The following EXT2 variants were observed in gnomAD, a reference collection of about 807,000 sequenced individuals.
EXT2 encodes the protein exostosin glycosyltransferase 2.
Under a neutral mutation model 81.6 loss-of-function variants are expected in EXT2, and 53 were observed. That is an observed-to-expected ratio of 0.65 (90% CI 0.52 to 0.82). EXT2 has a LOEUF of 0.82. Ranked by LOEUF, EXT2 falls within the 40% of genes least tolerant of loss-of-function variation. The pLI, the probability that EXT2 is intolerant of heterozygous loss-of-function variation, is 0.00. For missense variants in EXT2, 774 were observed against 910.2 expected, an observed-to-expected ratio of 0.85 and a Z score of 1.93; for synonymous variants, 320 against 340.0, an observed-to-expected ratio of 0.94 and a Z score of 0.65.
chr11:44,135,600 C>T (rs1954555151), intron 7 of EXT2, among the ~76,000 whole-genome samples: 1 of 152,074 alleles, frequency 6.6e-6, no homozygotes. Context: ...CCATGTTGCC[C>T]AGGCTGGTCT....
intron 7 of EXT2, among the ~76,000 whole-genome samples, chr11:44,169,602 A>C (rs1955043257): frequency 6.6e-6 from 1 of 152,210 alleles, no homozygotes; most frequent in African/African-American, 2.4e-5. Flanking sequence ...ATTAAGTATA[A>C]ATCGACTATA....
chr11:44,144,603 G>A (rs967528224), intron 7 of EXT2, among the ~76,000 whole-genome samples: 4 of 152,138 alleles, frequency 2.6e-5, no homozygotes, highest in South Asian at 4.1e-4. Flanking sequence ...TGGGAAAACC[G>A]ATCCACCCTT....
chr11:44,141,926 A>G (rs1253521308), intron 7 of EXT2, among the ~76,000 whole-genome samples: 1 of 152,234 alleles, frequency 6.6e-6, no homozygotes, highest in Non-Finnish European at 1.5e-5. Flanking sequence ...TTATGAATTC[A>G]TGCCGTACCT....
chr11:44,157,825 C>G (rs1440990932), intron 7 of EXT2, among the ~76,000 whole-genome samples: 2 of 152,228 alleles, frequency 1.3e-5, no homozygotes, highest in Non-Finnish European at 2.9e-5. Flanking sequence ...TGTGAATGTG[C>G]TGGGTCATAC....
chr11:44,239,393 C>CTTTTT (rs1174306938), intron 13 of EXT2, among the ~76,000 whole-genome samples: 1 of 125,470 alleles, frequency 8.0e-6, no homozygotes, highest in African/African-American at 3.0e-5. Flanking sequence ...TCTGTATATA[C>CTTTTT]TTTTTTTTTT....
intron 8 of EXT2, chr11:44,172,014 G>A: frequency 2.1e-6 from 1 of 484,566 alleles, no homozygotes; most frequent in Non-Finnish European, 3.8e-6. Context: ...GGGTCTTGTT[G>A]GAAATCAAAG....
chr11:44,162,335 G>T (rs1252800232), intron 7 of EXT2, among the ~76,000 whole-genome samples: 1 of 152,114 alleles, frequency 6.6e-6, no homozygotes, highest in Non-Finnish European at 1.5e-5. Context: ...CAGGACTTTG[G>T]GGGGCCGAGG....
At chr11:44,193,971 C>T (rs979493914) in intron 8 of EXT2, among the ~76,000 whole-genome samples, 2 of 152,192 alleles carry the variant, frequency 1.3e-5, no homozygotes, top group Non-Finnish European at 2.9e-5. Flanking sequence ...GGATGAGACC[C>T]GATCTGTTGT....
At chr11:44,191,662 AG>A (rs1338679985) in intron 8 of EXT2, among the ~76,000 whole-genome samples, 1 of 152,202 alleles carries the variant, frequency 6.6e-6, no homozygotes. Flanking sequence ...GTCAGCCAGC[AG>A]GGGGTCAGTT....
intron 10 of EXT2, among the ~76,000 whole-genome samples, chr11:44,218,074 T>C (rs1955740282): frequency 6.6e-6 from 1 of 152,228 alleles, no homozygotes; most frequent in African/African-American, 2.4e-5. Context: ...AACCTGGGCA[T>C]CTTGTAGGTG....
chr11:44,218,749 A>G (rs12280078), intron 10 of EXT2, among the ~76,000 whole-genome samples: 3,812 of 148,744 alleles, frequency 0.026, 176 homozygotes, highest in African/African-American at 0.089. Flanking sequence ...ATGGCTATCT[A>G]TATGTGTATT....
At chr11:44,177,602 A>G (rs1035109973) in intron 8 of EXT2, among the ~76,000 whole-genome samples, 3 of 152,236 alleles carry the variant, frequency 2.0e-5, no homozygotes, top group African/African-American at 7.2e-5. Context: ...ACTAAATGTA[A>G]TATAGTCTGA....
At chr11:44,179,150 C>A (rs932768974) in intron 8 of EXT2, among the ~76,000 whole-genome samples, 4 of 152,080 alleles carry the variant, frequency 2.6e-5, no homozygotes, top group African/African-American at 9.7e-5. Flanking sequence ...ATGAAAATCA[C>A]AAGCCAGATC....
intron 1 of EXT2, chr11:44,096,153 TC>T: frequency 8.4e-7 from 1 of 1,193,240 alleles, no homozygotes; most frequent in Non-Finnish European, 1.2e-6. Context: ...GTCCGCTCCT[TC>T]CTTTCCTCCT....
At chr11:44,178,414 C>G (rs1565223699) in intron 8 of EXT2, among the ~76,000 whole-genome samples, 1 of 152,132 alleles carries the variant, frequency 6.6e-6, no homozygotes, top group African/African-American at 2.4e-5. Flanking sequence ...TCCTCTTAAC[C>G]CTGCGGGGCT....
At chr11:44,159,780 G>A (rs1208927646) in intron 7 of EXT2, among the ~76,000 whole-genome samples, 1 of 152,190 alleles carries the variant, frequency 6.6e-6, no homozygotes, top group Non-Finnish European at 1.5e-5. Flanking sequence ...TGGGGGGAAG[G>A]ACTGGACTGT....
intron 7 of EXT2, among the ~76,000 whole-genome samples, chr11:44,163,904 C>G (rs1055268186): frequency 1.3e-5 from 2 of 152,166 alleles, no homozygotes; most frequent in African/African-American, 4.8e-5. Context: ...ATTCTTAGCT[C>G]TTTTTCCTTT....
At chr11:44,126,157 A>G (rs751792743) in intron 5 of EXT2, among the ~76,000 whole-genome samples, 5 of 152,184 alleles carry the variant, frequency 3.3e-5, no homozygotes, top group Non-Finnish European at 7.3e-5. Flanking sequence ...TCTGTGGTAC[A>G]TCTCTCCTTT....
At chr11:44,236,447 G>A (rs907573123) in intron 13 of EXT2, 72 bp downstream of exon 13, 1 of 1,393,272 alleles carries the variant, frequency 7.2e-7, no homozygotes, top group Non-Finnish European at 1.0e-6. Context: ...CTGTTTATGG[G>A]GCTTTGTTGG....
Sources: allele counts gnomAD v4.1 joint callset (sites outside exome capture counted in the v4.1 genomes callset), GRCh38; gene constraint gnomAD v4.1.1; transcripts MANE v1.5; gene names NCBI Gene and HGNC (gene_info 2026-07-23, HGNC 2026-07-21).